The following AATK variants were observed in gnomAD, a reference collection of about 807,000 sequenced individuals.
AATK encodes lemur tail kinase 1, also known as serine/threonine-protein kinase LMTK1.
Under a neutral mutation model 114.3 loss-of-function variants are expected in AATK, and 91 were observed. The observed-to-expected ratio is 0.80, with a 90% confidence interval of 0.67 to 0.95. AATK has a LOEUF of 0.95. Ranked by LOEUF, AATK falls within the 40% of genes least tolerant of loss-of-function variation. The pLI is 0.00. For missense variants in AATK, 2,176 were observed against 1,965.2 expected, an observed-to-expected ratio of 1.11 and a Z score of -2.03; for synonymous variants, 1,075 against 916.5, an observed-to-expected ratio of 1.17 and a Z score of -3.12.
At position 81,139,174 on chromosome 17, in the gene AATK, G is replaced by T. The variant is rs188942954; in HGVS notation, c.56-4673C>A. 1.7e-3 allele frequency among the ~76,000 whole-genome samples: 261 copies of T among 152,320 alleles called. 1 individual carries two copies. The highest frequency in any genetic ancestry group is 6.1e-3 in the African/African-American group (252 of 41,560). On this transcript the variant is annotated intron_variant, in intron 1 of 13. Transcript: ENST00000326724. ...TCACTTTACAAGTACGAAAACTGAG[G>T]CTCAGTGATGTCACAAGCACACCCA...
intron 1 of AATK, among the ~76,000 whole-genome samples, chr17:81,138,858 C>T (rs755911010): frequency 1.3e-5 from 2 of 151,732 alleles, no homozygotes; most frequent in South Asian, 2.1e-4. Context: ...GCAGATAACA[C>T]GCACACATGT....
In AATK at chr17:81,121,244, C is replaced by T. The variant is rs1238214844; in HGVS notation, c.2692G>A (p.Gly898Arg). 1.9e-6 allele frequency: 3 copies of T among 1,608,404 alleles called. No homozygotes were observed. Among genetic ancestry groups the T allele is most frequent in the Non-Finnish European group, 2.5e-6 (3 of 1,177,996 alleles). The change falls in exon 11 of 14, where the codon GGG becomes AGG. Residue 898 changes from glycine to arginine, a missense_variant. By Grantham distance (125) the Gly-to-Arg change is moderately radical. Around this residue, in one of 4 missense-constraint regions of AATK, gnomAD observed 1,701 missense variants for 1,394.7 expected, o/e 1.22. Coordinates refer to ENST00000326724, the MANE Select transcript of AATK (RefSeq NM_001080395.3). Reference sequence around the variant, plus strand: ...AGGGAGTCCAGGGAGTCGGGGGTCCCCACCTGCTTCTGCAGAGAGCGGAAG... The same window carrying T: ...AGGGAGTCCAGGGAGTCGGGGGTCCTCACCTGCTTCTGCAGAGAGCGGAAG... ...PAFRSLQKQVGTPDSLDSLDI... is the reference protein window; with the variant it reads ...PAFRSLQKQVRTPDSLDSLDI...
At chr17:81,144,920 G>T (rs1056995802) in intron 1 of AATK, among the ~76,000 whole-genome samples, 3 of 152,208 alleles carry the variant, frequency 2.0e-5, no homozygotes, top group Non-Finnish European at 4.4e-5. Flanking sequence ...CCACGCAGAG[G>T]ATTCCACACT....
chr17:81,125,377 C>A, intron 7 of AATK: 1 of 590,202 alleles, frequency 1.7e-6, no homozygotes, highest in East Asian at 3.9e-5. Flanking sequence ...ACTACACTAT[C>A]ACTCTCGGCT....
Position 81,126,473 on chromosome 17 carries a change from C to A in AATK, c.709G>T (p.Val237Leu), listed in dbSNP as rs760732320. 6.4e-7 allele frequency: 1 copy of A among 1,557,632 alleles called. No homozygotes were observed. The highest frequency in any genetic ancestry group is 1.2e-5 in the South Asian group (1 of 84,540). ...TGAAGGTGCAGGACGCCACAGGCCACCTCACAGGCCATGCGCTGCAGGGTC... is the reference window on the plus strand; with the variant it reads ...TGAAGGTGCAGGACGCCACAGGCCAACTCACAGGCCATGCGCTGCAGGGTC... ...PRTLQRMACE[V>L]ACGVLHLHRN... Residue 237 changes from valine (V) to leucine (L), a missense_variant, in exon 7 of 14, where the codon GTG (valine) becomes TTG (leucine). Coordinates refer to ENST00000326724, the MANE Select transcript of AATK (RefSeq NM_001080395.3). This position sits in a 1 kb window ranked among gnomAD's most constrained non-coding sequence, Gnocchi z 5.1.
Position 81,165,963 on chromosome 17 carries a change from G to A in AATK, c.30C>T (p.Phe10=), listed in dbSNP as rs758957708. 3 of 1,585,768 alleles carry A rather than the reference G, an allele frequency of 1.9e-6. No homozygotes were observed. The East Asian group carries it at 7.0e-5, about 37-fold the overall frequency. Residue 10 remains phenylalanine, a synonymous_variant, in exon 1 of 14, where the codon TTC becomes TTT. Coordinates refer to ENST00000326724, the MANE Select transcript of AATK (RefSeq NM_001080395.3). ...CGGGGTCGAAGTGCGAGCTGAAGGC[G>A]AAGCTGGGGTTGAAGAAGGACGACG... MSSSFFNPS[F]AFSSHFDPDG...
rs532292596 is a variant in AATK at position 81,147,732 on chromosome 17, G to T, written c.56-13231C>A. ...GTCATGCCACTGCACTCGAGCCTGG[G>T]TGATGGAGCAAGACCCTGTCTCAAA... is the stretch of plus-strand genomic sequence containing the variant. On this transcript the variant is annotated intron_variant, in intron 1 of 13. Coordinates refer to ENST00000326724, the MANE Select transcript of AATK (RefSeq NM_001080395.3). Among the ~76,000 whole-genome samples, 12 of 152,332 alleles carry T rather than the reference G, an allele frequency of 7.9e-5. No individual in the cohort carries two copies. In the East Asian group the frequency reaches 2.3e-3, roughly 29 times the overall value.
At chr17:81,163,300 G>A (rs1043789238) in intron 1 of AATK, among the ~76,000 whole-genome samples, 1 of 152,182 alleles carries the variant, frequency 6.6e-6, no homozygotes, top group Non-Finnish European at 1.5e-5. Context: ...TGAGCAACAA[G>A]GCCAGCCCCC....
chr17:81,121,918 G>A lies in AATK; in HGVS notation c.2018C>T (p.Ala673Val). 1 of 1,600,456 alleles carries A rather than the reference G, an allele frequency of 6.2e-7. No individual in the cohort carries two copies. Among genetic ancestry groups the A allele is most frequent in the Non-Finnish European group, 8.5e-7 (1 of 1,178,560 alleles). ...ELEEVGARRAAQRGHWRSNVS... is the reference protein window; with the variant it reads ...ELEEVGARRAVQRGHWRSNVS... ...GTTGGAGCGCCAGTGCCCGCGCTGG[G>A]CGGCCCTCCGCGCTCCCACCTCCTC... The change falls in exon 11 of 14, where the codon GCC (alanine) becomes GTC (valine). Residue 673 changes from alanine (A) to valine (V), a missense_variant. By Grantham distance (64) the Ala-to-Val change is moderately conservative. This residue lies in a region of AATK where 1,701 missense variants were observed against 1,394.7 expected (regional missense o/e 1.22). Coordinates refer to ENST00000326724, the MANE Select transcript of AATK (RefSeq NM_001080395.3).
At chr17:81,155,714 C>T (rs1408561899) in intron 1 of AATK, among the ~76,000 whole-genome samples, 1 of 150,012 alleles carries the variant, frequency 6.7e-6, no homozygotes, top group African/African-American at 2.5e-5. Context: ...TTAATAAGGT[C>T]TCACTCTGTC....
chr17:81,165,610 C>T, intron 1 of AATK: 1 of 1,420,696 alleles, frequency 7.0e-7, no homozygotes. Context: ...CCCACACCCC[C>T]AAGGGCCCTT....
chr17:81,121,374 C>G lies in AATK; in HGVS notation c.2562G>C (p.Glu854Asp). The change falls in exon 11 of 14, where the codon GAG (glutamate) becomes GAC (aspartate). Residue 854 changes from glutamate to aspartate, a missense_variant. Glu to Asp is a conservative substitution (Grantham distance 45). This residue lies in a region of AATK where 1,701 missense variants were observed against 1,394.7 expected (regional missense o/e 1.22). Transcript: ENST00000326724. ...TGTCCTCATCCTCACTGCTGGGTGC[C>G]TCCACCTCGGGAGAGCTGCTGCTGC... ...LNGSSSSPEVEAPSSEDEDTA... is the reference protein window; with the variant it reads ...LNGSSSSPEVDAPSSEDEDTA... 1.1e-5 allele frequency: 18 copies of G among 1,611,480 alleles called. No homozygotes were observed. The highest frequency in any genetic ancestry group is 1.5e-5 in the Non-Finnish European group (18 of 1,179,444).
At chr17:81,145,519 G>T (rs1567822550) in intron 1 of AATK, among the ~76,000 whole-genome samples, 2 of 151,644 alleles carry the variant, frequency 1.3e-5, no homozygotes, top group Non-Finnish European at 2.9e-5. Context: ...GATCACCTGA[G>T]GTCAGGACTT....
rs2060660497 is a variant in AATK, at chr17:81,119,485, G to A, written c.3979C>T (p.Pro1327Ser). ...GAGAAGGGAGCGGGCGTGGGCGTGG[G>A]CGCAGCCGGGGCGGGTGCGGCCGGG... ...LDPAAPAPAA[P>S]TPTPAPFSRF... Residue 1327 changes from proline (P) to serine (S), a missense_variant, in exon 13 of 14, where the codon CCC becomes TCC. Physicochemically the swap from Pro to Ser is moderately conservative, Grantham distance 74. Around this residue, in one of 4 missense-constraint regions of AATK, gnomAD observed 1,701 missense variants for 1,394.7 expected, o/e 1.22. Coordinates refer to ENST00000326724, the MANE Select transcript of AATK (RefSeq NM_001080395.3). The A allele has an allele frequency of 6.6e-7, 1 of 1,517,840 alleles. No individual in the cohort carries two copies. Among genetic ancestry groups the A allele is most frequent in the Non-Finnish European group, 8.8e-7 (1 of 1,136,000 alleles). 94.0% of individuals were successfully genotyped at this position (1,517,840 alleles called of 1,614,324 possible).
At position 81,124,928 on chromosome 17, in the gene AATK, A is replaced by G; in HGVS notation, c.840+2T>C. On this transcript the variant is annotated splice_donor_variant, in intron 8 of 13. Coordinates refer to ENST00000326724, the MANE Select transcript of AATK (RefSeq NM_001080395.3). LOFTEE classifies it high-confidence loss of function. ...CAGCCCAGCCCACCCCACCCCACTC[A>G]CTCTGTACTTGCAGTGAGCCAGGCC... 1 of 1,507,070 alleles carries G rather than the reference A, an allele frequency of 6.6e-7. No homozygotes were observed. The highest frequency in any genetic ancestry group is 9.1e-7 in the Non-Finnish European group (1 of 1,103,662). The allele number at this position is 1,507,070 out of a possible 1,614,324, so 93.4% of individuals were successfully genotyped here.
intron 12 of AATK, 101 bp downstream of exon 12, chr17:81,119,827 GGACCAGGT>G: frequency 7.3e-7 from 1 of 1,363,836 alleles, no homozygotes; most frequent in Non-Finnish European, 9.5e-7. Context: ...CACGCGTCAA[GGACCAGGT>G]GCTCCTCCCA....
At position 81,120,074 on chromosome 17, in the gene AATK, TG is replaced by T; in HGVS notation, c.3744del (p.Thr1249ProfsTer58). ...VTVYLFDQES[P>X]TRELGEPFPG... The stretch of plus-strand genomic sequence containing the variant: ...GGGAAGGGCTCCCCGAGCTCCCGGG[TG>T]GGGCTTTCCTGGAGGAATCAGAGAG... On this transcript the variant is annotated frameshift_variant, in exon 12 of 14. Transcript: ENST00000326724. LOFTEE classifies it high-confidence loss of function. 6.9e-7 allele frequency: 1 copy of T among 1,459,202 alleles called. No individual in the cohort carries two copies. Among genetic ancestry groups the T allele is most frequent in the Non-Finnish European group, 9.1e-7 (1 of 1,103,310 alleles). 90.4% of individuals were successfully genotyped at this position (1,459,202 alleles called of 1,614,324 possible). A position where few individuals can be genotyped will look rare whatever the true frequency, so the allele number is the denominator to read the frequency against.
rs747276632 is a variant in AATK at position 81,120,444 on chromosome 17, GTCCTCC to G, written c.3486_3491del (p.Glu1162_Glu1163del). 407 of 1,565,338 alleles carry G rather than the reference GTCCTCC, an allele frequency of 2.6e-4. 1 individual carries two copies. The highest frequency in any genetic ancestry group is 6.8e-4 in the Middle Eastern group (4 of 5,902). ...CGTCAGACTCGTCGCTGTCCTCACT[GTCCTCC>G]TCCTCCTCCTCCGGCCGGCCCTCCA... On this transcript the variant is annotated inframe_deletion, in exon 11 of 14. Transcript: ENST00000326724.
Position 81,120,628 on chromosome 17 carries a change from A to G in AATK, c.3308T>C (p.Leu1103Pro). Residue 1103 changes from leucine (L) to proline (P), a missense_variant, in exon 11 of 14, where the codon CTG becomes CCG. Transcript: ENST00000326724. ...TTCTGATCTCAGCGGAACCGGGGTC[A>G]GCAGGAAAAACTGGGAGCAGCTGGG... ...PSPSCSQFFL[L>P]TPVPLRSEGN... 6.5e-7 allele frequency: 1 copy of G among 1,543,326 alleles called. No homozygotes were observed. The highest frequency in any genetic ancestry group is 8.7e-7 in the Non-Finnish European group (1 of 1,148,234).
Sources: gnomAD v4.1 joint callset for allele counts (sites outside exome capture counted in the v4.1 genomes callset) on GRCh38, gnomAD v4.1.1 for gene constraint, gnomAD v4.1.1 regional missense constraint, Gnocchi (gnomAD v3.1) non-coding constraint, MANE v1.5 for transcripts, NCBI Gene and HGNC (gene_info 2026-07-23, HGNC 2026-07-21) for gene names.